NTRK2: variants seen among roughly 807,000 people sequenced by gnomAD.
The protein encoded by NTRK2 is BDNF/NT-3 growth factors receptor.
Under a neutral mutation model 94.5 loss-of-function variants are expected in NTRK2, and 13 were observed. The ratio of observed to expected loss-of-function variants is 0.14; its 90% CI spans 0.09 to 0.22. The LOEUF (loss-of-function observed/expected upper bound fraction) is 0.22, where lower values mean the gene tolerates loss of function less well. Ranked by LOEUF, NTRK2 falls within the 10% of genes least tolerant of loss-of-function variation. NTRK2 has a pLI of 1.00. For missense variants in NTRK2, 639 were observed against 1,071.2 expected (o/e 0.60, Z 5.63); for synonymous variants, 372 against 407.4 (o/e 0.91, Z 1.05).
chr9:84,849,936 C>T (rs975489023), intron 12 of NTRK2, among the ~76,000 whole-genome samples: 1 of 152,096 alleles, frequency 6.6e-6, no homozygotes, highest in Non-Finnish European at 1.5e-5. Context: ...ATGAAGCTTG[C>T]GGAAGAGAGT....
At chr9:84,993,582 T>C (rs1264681086) in intron 17 of NTRK2, among the ~76,000 whole-genome samples, 2 of 152,218 alleles carry the variant, frequency 1.3e-5, no homozygotes, top group Admixed American at 6.5e-5. Context: ...AGAGTGTCCT[T>C]TGTAGAGTGC....
At chr9:84,822,079 AT>A (rs144903736) in intron 12 of NTRK2, among the ~76,000 whole-genome samples, 3,770 of 152,252 alleles carry the variant, frequency 0.025, 84 homozygotes, top group African/African-American at 0.058. Context: ...TCATCTCCAA[AT>A]TGCAATTTAG....
At chr9:85,001,916 G>A (rs1401670322) in intron 17 of NTRK2, among the ~76,000 whole-genome samples, 2 of 152,148 alleles carry the variant, frequency 1.3e-5, no homozygotes, top group South Asian at 2.1e-4. Context: ...AATTGAAAAC[G>A]CCCCCCTAGT....
intron 2 of NTRK2, among the ~76,000 whole-genome samples, chr9:84,700,166 C>G (rs2131664071): frequency 6.6e-6 from 1 of 152,198 alleles, no homozygotes; most frequent in East Asian, 1.9e-4. Context: ...CCCACATTAT[C>G]TATCCTTTTT....
intron 8 of NTRK2, among the ~76,000 whole-genome samples, chr9:84,727,285 G>A: frequency 6.6e-6 from 1 of 152,146 alleles, no homozygotes; most frequent in South Asian, 2.1e-4. Context: ...TTTTGGTGAT[G>A]AATCTGTATA....
chr9:84,735,188 A>T (rs892191513), intron 9 of NTRK2, among the ~76,000 whole-genome samples: 2 of 152,200 alleles, frequency 1.3e-5, no homozygotes, highest in African/African-American at 4.8e-5. Context: ...CCCCGTGTCT[A>T]TGAAAAATAA....
intron 14 of NTRK2, among the ~76,000 whole-genome samples, chr9:84,922,097 G>A (rs2077585706): frequency 6.6e-6 from 1 of 152,188 alleles, no homozygotes; most frequent in African/African-American, 2.4e-5. Context: ...TGAGCTATAT[G>A]AAATAGCAAA....
chr9:84,694,164 G>T (rs911215553), intron 2 of NTRK2, among the ~76,000 whole-genome samples: 3 of 152,244 alleles, frequency 2.0e-5, no homozygotes, highest in African/African-American at 7.2e-5. Context: ...GGTACATCTG[G>T]GTTCAAATCC....
intron 12 of NTRK2, among the ~76,000 whole-genome samples, chr9:84,780,980 T>A (rs2067507298): frequency 6.6e-6 from 1 of 152,204 alleles, no homozygotes; most frequent in Non-Finnish European, 1.5e-5. Flanking sequence ...AGGAATTCTA[T>A]ATTTGAGTCT....
intron 6 of NTRK2, among the ~76,000 whole-genome samples, chr9:84,716,288 C>G (rs759093981): frequency 6.6e-6 from 1 of 152,186 alleles, no homozygotes; most frequent in African/African-American, 2.4e-5. Context: ...TTTAAAGGCA[C>G]ATCGACAAAA....
At chr9:84,698,003 A>G (rs1329185930) in intron 2 of NTRK2, among the ~76,000 whole-genome samples, 1 of 152,182 alleles carries the variant, frequency 6.6e-6, no homozygotes, top group Non-Finnish European at 1.5e-5. Flanking sequence ...AAATTCAAAA[A>G]AGTATAATGA....
At chr9:84,785,064 A>G (rs955618711) in intron 12 of NTRK2, among the ~76,000 whole-genome samples, 7 of 152,198 alleles carry the variant, frequency 4.6e-5, no homozygotes, top group African/African-American at 1.7e-4. Flanking sequence ...CATAAATTCT[A>G]TTTAATTCAA....
chr9:84,986,194 G>A (rs1035795119), intron 17 of NTRK2, among the ~76,000 whole-genome samples: 5 of 151,908 alleles, frequency 3.3e-5, no homozygotes, highest in Admixed American at 6.6e-5. Context: ...CAACACTCCC[G>A]CTGCCCCCCG....
intron 13 of NTRK2, among the ~76,000 whole-genome samples, 170 bp downstream of exon 13, chr9:84,861,257 C>A (rs1359784361): frequency 6.6e-6 from 1 of 152,142 alleles, no homozygotes; most frequent in Non-Finnish European, 1.5e-5. Context: ...AAAGGCATTA[C>A]TGTTGTTAAT....
Position 84,670,564 on chromosome 9 carries a change from C to A in NTRK2, c.-185C>A. The A allele has an allele frequency of 1.5e-6, 1 of 649,166 alleles. No homozygotes were observed. The highest frequency in any genetic ancestry group is 2.7e-5 in the East Asian group (1 of 37,066). The allele number at this position is 649,166 out of a possible 1,614,324, so 40.2% of individuals were successfully genotyped here. A position where few individuals can be genotyped will look rare whatever the true frequency, so the allele number is the denominator to read the frequency against. ...ATGCCGGGGCCACTGTGAACCCTGC[C>A]GCCTGCCGGAACACTCTTCGCTCCG... On this transcript the variant is annotated 5_prime_UTR_variant, in exon 2 of 19. Coordinates refer to ENST00000277120, the MANE Select transcript of NTRK2 (RefSeq NM_006180.6).
At chr9:84,830,136 A>G (rs2131659607) in intron 12 of NTRK2, among the ~76,000 whole-genome samples, 1 of 152,316 alleles carries the variant, frequency 6.6e-6, no homozygotes, top group Admixed American at 6.5e-5. Flanking sequence ...TATGCTAAGT[A>G]TGGAAGCCTC....
chr9:84,763,331 T>C (rs1302557559), intron 12 of NTRK2, among the ~76,000 whole-genome samples: 1 of 152,086 alleles, frequency 6.6e-6, no homozygotes, highest in Non-Finnish European at 1.5e-5. Context: ...TCTTCCTGCC[T>C]GTATCTAACC....
chr9:84,757,536 G>T (rs977245750), intron 12 of NTRK2, among the ~76,000 whole-genome samples: 1 of 152,064 alleles, frequency 6.6e-6, no homozygotes, highest in African/African-American at 2.4e-5. Context: ...CTGAAACCTG[G>T]CTCTGCCTCT....
At chr9:84,800,451 T>C (rs2070282873) in intron 12 of NTRK2, among the ~76,000 whole-genome samples, 1 of 152,188 alleles carries the variant, frequency 6.6e-6, no homozygotes, top group Admixed American at 6.5e-5. Flanking sequence ...TCTGCCTGCC[T>C]CGGCCTCCCA....
Sources: gnomAD v4.1 joint callset for allele counts (sites outside exome capture counted in the v4.1 genomes callset) on GRCh38, gnomAD v4.1.1 for gene constraint, MANE v1.5 for transcripts, NCBI Gene and HGNC (gene_info 2026-07-23, HGNC 2026-07-21) for gene names.